Variants in LIN28B observed in about 807,000 individuals in gnomAD.
The protein encoded by LIN28B is protein lin-28 homolog B.
LIN28B carries 5 observed loss-of-function variants against 21.9 expected under a neutral mutation model. That is an observed-to-expected ratio of 0.23 (90% CI 0.12 to 0.48). The LOEUF (loss-of-function observed/expected upper bound fraction) is 0.48, where lower values mean the gene tolerates loss of function less well. LIN28B is among the 20% of genes least tolerant of loss of function. The probability of loss-of-function intolerance (pLI) is 0.98; values close to 1 mark genes in which losing one functional copy is unlikely to be tolerated. For synonymous variants in LIN28B, 109 were observed against 111.3 expected (o/e 0.98, Z 0.13); for missense variants, 245 against 310.5 (o/e 0.79, Z 1.58).
intron 2 of LIN28B, among the ~76,000 whole-genome samples, chr6:104,948,169 A>G (rs913264489): frequency 4.6e-5 from 7 of 152,234 alleles, no homozygotes; most frequent in Admixed American, 3.9e-4. Context: ...ATATTTTAAC[A>G]AAATGTATTA....
intron 3 of LIN28B, among the ~76,000 whole-genome samples, chr6:105,033,133 A>G (rs755547968): frequency 6.6e-6 from 1 of 152,202 alleles, no homozygotes; most frequent in Non-Finnish European, 1.5e-5. Flanking sequence ...AGGCCTAGGT[A>G]GAGGTTCATT....
rs531475900 is a variant in LIN28B at position 105,038,078 on chromosome 6, G to T, written c.383+11596G>T. Among the ~76,000 whole-genome samples the T allele has an allele frequency of 7.2e-5, 11 of 152,196 alleles. No homozygotes were observed. The East Asian group carries it at 1.9e-3, about 27-fold the overall frequency. ...ATCTTTTTAAAAGAAGGTACAAACA[G>T]TACAAACCATAAGGGATAAGATTAA... On this transcript the variant is annotated intron_variant, in intron 3 of 3. Transcript: ENST00000345080.
At chr6:105,077,897 G>T (rs1388362500) in intron 3 of LIN28B, among the ~76,000 whole-genome samples, 1 of 152,006 alleles carries the variant, frequency 6.6e-6, no homozygotes, top group African/African-American at 2.4e-5. Context: ...CAGTTTAGCT[G>T]GTTTCTACAG....
At chr6:104,940,491 T>G (rs1362176213) in intron 2 of LIN28B, 1 of 152,794 alleles carries the variant, frequency 6.5e-6, no homozygotes, top group Non-Finnish European at 1.5e-5. Flanking sequence ...GCTTCGGGGG[T>G]TCGGGGGCGC....
chr6:105,063,636 G>GC (rs1491387260), intron 3 of LIN28B, among the ~76,000 whole-genome samples: 1 of 73,670 alleles, frequency 1.4e-5, no homozygotes, highest in Non-Finnish European at 2.2e-5. Flanking sequence ...ACTCCATCTC[G>GC]GGGGGGGGGG....
At position 104,989,240 on chromosome 6, in the gene LIN28B, T is replaced by C. The variant is rs151138749; in HGVS notation, c.198+30954T>C. Among the ~76,000 whole-genome samples, 367 of 152,280 alleles carry C rather than the reference T, an allele frequency of 2.4e-3. 4 individuals carry two copies. Among genetic ancestry groups the C allele is most frequent in the African/African-American group, 8.5e-3 (352 of 41,562 alleles). On this transcript the variant is annotated intron_variant, in intron 2 of 3. Coordinates refer to ENST00000345080, the MANE Select transcript of LIN28B (RefSeq NM_001004317.4). Reference sequence around the variant, plus strand: ...ATTTGTTCTTTTTTTATTTTTGCTTTTTTGAGACAGAGTATCTCTCTGTCA... The same window carrying C: ...ATTTGTTCTTTTTTTATTTTTGCTTCTTTGAGACAGAGTATCTCTCTGTCA...
intron 3 of LIN28B, among the ~76,000 whole-genome samples, chr6:105,055,881 T>TCTCA (rs1772011825): frequency 6.7e-6 from 1 of 148,314 alleles, no homozygotes; most frequent in African/African-American, 2.5e-5. Context: ...AGTCCTCCCA[T>TCTCA]CTCAGCCTCC....
chr6:105,035,317 A>T (rs1771501446), intron 3 of LIN28B, among the ~76,000 whole-genome samples: 1 of 152,148 alleles, frequency 6.6e-6, no homozygotes, highest in Non-Finnish European at 1.5e-5. Context: ...ATACCAATAA[A>T]TAACTGTTTC....
chr6:105,070,171 A>G (rs1772304191), intron 3 of LIN28B, among the ~76,000 whole-genome samples: 1 of 152,172 alleles, frequency 6.6e-6, no homozygotes, highest in Admixed American at 6.5e-5. Context: ...CTCCTGGGAA[A>G]CTTTAAAAAG....
At chr6:105,043,126 A>C (rs929798594) in intron 3 of LIN28B, among the ~76,000 whole-genome samples, 3 of 152,114 alleles carry the variant, frequency 2.0e-5, no homozygotes, top group Admixed American at 6.6e-5. Context: ...ACAGAGTCTA[A>C]ATGAAGAAAA....
chr6:105,073,575 A>C (rs185148516), intron 3 of LIN28B, among the ~76,000 whole-genome samples: 8 of 152,278 alleles, frequency 5.3e-5, no homozygotes, highest in Admixed American at 2.6e-4. Flanking sequence ...CACTGTCAAA[A>C]TTATCCTTAA....
At chr6:104,985,715 C>T (rs1770325211) in intron 2 of LIN28B, among the ~76,000 whole-genome samples, 1 of 152,100 alleles carries the variant, frequency 6.6e-6, no homozygotes, top group Non-Finnish European at 1.5e-5. Flanking sequence ...ACATCTTTGT[C>T]TACCTCATGG....
chr6:105,010,057 G>A (rs762025145), intron 2 of LIN28B, among the ~76,000 whole-genome samples: 1 of 152,030 alleles, frequency 6.6e-6, no homozygotes. Context: ...TCTGTTAGTA[G>A]CATCCAATAT....
chr6:105,075,508 A>C (rs1390334598), intron 3 of LIN28B, among the ~76,000 whole-genome samples: 1 of 152,204 alleles, frequency 6.6e-6, no homozygotes, highest in Non-Finnish European at 1.5e-5. Context: ...TCCCCCTTTT[A>C]AGGCTAAGCA....
At chr6:104,940,758 G>A (rs1284248786) in intron 2 of LIN28B, 4 of 151,458 alleles carry the variant, frequency 2.6e-5, no homozygotes, top group African/African-American at 9.7e-5. Flanking sequence ...GCGGAGTGGT[G>A]GCGACAGCGG....
At chr6:104,940,107 C>CGGG (rs1562556355) in intron 2 of LIN28B, 1 of 165,466 alleles carries the variant, frequency 6.0e-6, no homozygotes, top group Non-Finnish European at 1.5e-5. Context: ...AAACAGCTGA[C>CGGG]AGTAGGTTCC....
intron 2 of LIN28B, among the ~76,000 whole-genome samples, chr6:104,968,735 A>T (rs1246218453): frequency 6.6e-6 from 1 of 152,136 alleles, no homozygotes; most frequent in African/African-American, 2.4e-5. Context: ...GCCATTAGAG[A>T]TAGTGAATAG....
At position 104,992,509 on chromosome 6, in the gene LIN28B, T is replaced by C. The variant is rs1346277055; in HGVS notation, c.199-33789T>C. On this transcript the variant is annotated intron_variant, in intron 2 of 3. Coordinates refer to ENST00000345080, the MANE Select transcript of LIN28B (RefSeq NM_001004317.4). Reference sequence around the variant, plus strand: ...TTGTGTGTGTGTGTGTGTGTGTGTGTGTGTGTTTTTTTTTTAAACAGGGTC... The same window carrying C: ...TTGTGTGTGTGTGTGTGTGTGTGTGCGTGTGTTTTTTTTTTAAACAGGGTC... 2.1e-4 allele frequency among the ~76,000 whole-genome samples: 24 copies of C among 112,588 alleles called. 1 individual carries two copies. The Admixed American group carries it at 2.6e-3, about 12-fold the overall frequency. The allele number at this position is 112,588 out of a possible 152,430, so 73.9% of individuals were successfully genotyped here.
intron 3 of LIN28B, among the ~76,000 whole-genome samples, chr6:105,046,293 T>C (rs978994066): frequency 6.6e-6 from 1 of 152,226 alleles, no homozygotes; most frequent in East Asian, 1.9e-4. Flanking sequence ...TGCGATAGTT[T>C]GCTGAGAATG....
Sources: gnomAD v4.1 joint callset for allele counts (sites outside exome capture counted in the v4.1 genomes callset) on GRCh38, gnomAD v4.1.1 for gene constraint, MANE v1.5 for transcripts, NCBI Gene and HGNC (gene_info 2026-07-23, HGNC 2026-07-21) for gene names.